Variants in PCSK5 observed in about 807,000 individuals in gnomAD.
The protein encoded by PCSK5 is prohormone convertase 5.
A neutral mutation model predicts 233.2 loss-of-function variants in PCSK5; 129 were observed. That is an observed-to-expected ratio of 0.55 (90% CI 0.48 to 0.64). The LOEUF (loss-of-function observed/expected upper bound fraction) is 0.64. Ranked by LOEUF, PCSK5 falls within the 30% of genes least tolerant of loss-of-function variation. The pLI is 0.00. For missense variants in PCSK5, 2,076 were observed against 2,430.1 expected (o/e 0.85, Z 3.06); for synonymous variants, 825 against 879.2 (o/e 0.94, Z 1.09).
chr9:76,300,482 G>A (rs1354786062), intron 27 of PCSK5, among the ~76,000 whole-genome samples: 2 of 152,194 alleles, frequency 1.3e-5, no homozygotes, highest in Non-Finnish European at 2.9e-5. Context: ...TGAAACCATT[G>A]ACAGCTTGAA....
intron 2 of PCSK5, among the ~76,000 whole-genome samples, chr9:75,973,471 A>C (rs1825885987): frequency 6.6e-6 from 1 of 152,174 alleles, no homozygotes; most frequent in Admixed American, 6.5e-5. Context: ...CTAAAAGAGC[A>C]GTGAATACAG....
chr9:75,975,901 A>C (rs1004554915), intron 2 of PCSK5, among the ~76,000 whole-genome samples: 1 of 152,220 alleles, frequency 6.6e-6, no homozygotes, highest in African/African-American at 2.4e-5. Flanking sequence ...TCATGCAGTG[A>C]TGATTTTGAC....
chr9:75,923,799 T>C (rs138782347), intron 1 of PCSK5, among the ~76,000 whole-genome samples: 33 of 152,288 alleles, frequency 2.2e-4, no homozygotes, highest in Non-Finnish European at 4.6e-4. Flanking sequence ...TGGAGGAGAC[T>C]TTGTTTCCTT....
At position 76,358,811 on chromosome 9, in the gene PCSK5, CT is replaced by C; in HGVS notation, c.5554del (p.Tyr1852ThrfsTer22). 6.2e-7 allele frequency: 1 copy of C among 1,612,882 alleles called. No homozygotes were observed. The highest frequency in any genetic ancestry group is 1.7e-5 in the Admixed American group (1 of 60,016). On this transcript the variant is annotated frameshift_variant, in exon 38 of 38. Coordinates refer to ENST00000674117, the MANE Select transcript of PCSK5 (RefSeq NM_001372043.1). LOFTEE classifies it high-confidence loss of function. ...YDEDDDDDIV[Y>X]MGQDGTVYRK... ...ATGAGGATGATGATGATGACATCGT[CT>C]ACATGGGCCAGGATGGCACAGTCTA...
chr9:75,901,287 A>T (rs1826021971), intron 1 of PCSK5, among the ~76,000 whole-genome samples: 1 of 152,224 alleles, frequency 6.6e-6, no homozygotes, highest in Non-Finnish European at 1.5e-5. Context: ...AATACTATGC[A>T]GCCATAAAGA....
intron 34 of PCSK5, among the ~76,000 whole-genome samples, chr9:76,335,902 G>T (rs1459765220): frequency 6.6e-6 from 1 of 152,142 alleles, no homozygotes; most frequent in South Asian, 2.1e-4. Flanking sequence ...AGAAACTGAG[G>T]ATCAGAGGGG....
rs1194168308 is a variant in PCSK5, at chr9:76,308,656, A to G, written c.3616A>G (p.Lys1206Glu). Residue 1206 changes from lysine (K) to glutamate (E), a missense_variant, in exon 29 of 38, where the codon AAA becomes GAA. Coordinates refer to ENST00000674117, the MANE Select transcript of PCSK5 (RefSeq NM_001372043.1). ...TCTTTCTCATACAGATATTTTGAGA[A>G]AACTCCAGCCTTGTCATTCTTCTTG... ...KVQIKRDILR[K>E]LQPCHSSCKT... The G allele has an allele frequency of 6.2e-7, 1 of 1,601,328 alleles. No homozygotes were observed. Among genetic ancestry groups the G allele is most frequent in the Non-Finnish European group, 8.5e-7 (1 of 1,169,644 alleles).
intron 20 of PCSK5, among the ~76,000 whole-genome samples, chr9:76,204,550 G>A (rs929438643): frequency 1.3e-5 from 2 of 150,090 alleles, no homozygotes; most frequent in Admixed American, 6.7e-5. Flanking sequence ...AAGCCTCCCC[G>A]CACTGGACCC....
chr9:76,287,263 C>A, intron 24 of PCSK5: 1 of 225,920 alleles, frequency 4.4e-6, no homozygotes, highest in South Asian at 7.9e-5. Context: ...TCCCTTCACC[C>A]AGAAGGAGCA....
At chr9:76,127,407 G>T (rs1020285265) in intron 9 of PCSK5, among the ~76,000 whole-genome samples, 3 of 152,146 alleles carry the variant, frequency 2.0e-5, no homozygotes, top group Non-Finnish European at 2.9e-5. Context: ...CATCAAGAGA[G>T]AAGATCTCCC....
Position 75,891,045 on chromosome 9 carries a change from C to A in PCSK5, c.-137C>A. The stretch of plus-strand genomic sequence containing the variant: ...GCTCCCTGCCGGGGCTAGCCGCCTC[C>A]TGCCGATCGCCCGGGGCTGCGAGCT... On this transcript the variant is annotated 5_prime_UTR_variant, in exon 1 of 38. In the 5' UTR this introduces an upstream ATG that the reference lacks. Transcript: ENST00000674117. The A allele has an allele frequency of 1.6e-6, 1 of 606,902 alleles. No homozygotes were observed. Among genetic ancestry groups the A allele is most frequent in the Non-Finnish European group, 2.5e-6 (1 of 405,796 alleles). 37.6% of individuals were successfully genotyped at this position (606,902 alleles called of 1,614,324 possible). A position where few individuals can be genotyped will look rare whatever the true frequency, so the allele number is the denominator to read the frequency against.
chr9:76,191,214 A>G (rs1824360567), intron 20 of PCSK5, among the ~76,000 whole-genome samples: 1 of 152,074 alleles, frequency 6.6e-6, no homozygotes, highest in African/African-American at 2.4e-5. Context: ...ATAGAAAACA[A>G]ACAAAAAATA....
intron 24 of PCSK5, among the ~76,000 whole-genome samples, chr9:76,263,015 A>G (rs1827227223): frequency 6.6e-6 from 1 of 152,206 alleles, no homozygotes; most frequent in Non-Finnish European, 1.5e-5. Flanking sequence ...CCACCAAAAA[A>G]CACATGAAAA....
chr9:76,259,541 A>C (rs1033520107), intron 24 of PCSK5, among the ~76,000 whole-genome samples: 2 of 151,740 alleles, frequency 1.3e-5, no homozygotes, highest in African/African-American at 4.8e-5. Flanking sequence ...AGTATCTGAT[A>C]TTTTGATGTT....
At chr9:75,915,128 G>A (rs1822928041) in intron 1 of PCSK5, among the ~76,000 whole-genome samples, 1 of 152,202 alleles carries the variant, frequency 6.6e-6, no homozygotes, top group Admixed American at 6.5e-5. Flanking sequence ...GGGGAGGCAT[G>A]CATAGTGATG....
chr9:76,059,300 T>C (rs1056002802), intron 5 of PCSK5, among the ~76,000 whole-genome samples: 1 of 152,212 alleles, frequency 6.6e-6, no homozygotes, highest in African/African-American at 2.4e-5. Context: ...TTTCTCCCAT[T>C]CTGTAGGTTG....
At chr9:76,200,414 C>T (rs1824869164) in intron 20 of PCSK5, among the ~76,000 whole-genome samples, 1 of 152,128 alleles carries the variant, frequency 6.6e-6, no homozygotes, top group African/African-American at 2.4e-5. Context: ...ACCACTGACC[C>T]CACACCTGCC....
At position 76,277,642 on chromosome 9, in the gene PCSK5, C is replaced by T. The variant is rs113596615; in HGVS notation, c.3143-14591C>T. Among the ~76,000 whole-genome samples, 455 of 152,246 alleles carry T rather than the reference C, an allele frequency of 3.0e-3. 5 individuals carry two copies. The highest frequency in any genetic ancestry group is 0.011 in the African/African-American group (438 of 41,542). On this transcript the variant is annotated intron_variant, in intron 24 of 37. Transcript: ENST00000674117. ...ACATTTATTCATTATCCCTGGGCAC[C>T]GATGAGGACAACATGATTGAAAATC...
intron 3 of PCSK5, among the ~76,000 whole-genome samples, chr9:75,989,751 C>G (rs1826685146): frequency 6.6e-6 from 1 of 152,122 alleles, no homozygotes; most frequent in Admixed American, 6.5e-5. Flanking sequence ...GCAGGTGATC[C>G]AAGAGATCGT....
Sources: allele counts gnomAD v4.1 joint callset (sites outside exome capture counted in the v4.1 genomes callset), GRCh38; gene constraint gnomAD v4.1.1; transcripts MANE v1.5; gene names NCBI Gene and HGNC (gene_info 2026-07-23, HGNC 2026-07-21).